Variants in NFATC2 observed in about 807,000 individuals in gnomAD.
The protein encoded by NFATC2 is nuclear factor of activated T-cells, cytoplasmic 2.
NFATC2 carries 22 observed loss-of-function variants against 87.3 expected under a neutral mutation model. That is an observed-to-expected ratio of 0.25 (90% CI 0.18 to 0.36). The LOEUF (loss-of-function observed/expected upper bound fraction) is 0.36. Among genes scored for constraint, NFATC2 ranks in the 10% least tolerant of loss-of-function variants. The probability of loss-of-function intolerance (pLI) is 1.00; values close to 1 mark genes in which losing one functional copy is unlikely to be tolerated. For synonymous variants in NFATC2, 565 were observed against 542.2 expected, an observed-to-expected ratio of 1.04 and a Z score of -0.58; for missense variants, 1,149 against 1,259.1, an observed-to-expected ratio of 0.91 and a Z score of 1.32.
intron 9 of NFATC2, among the ~76,000 whole-genome samples, chr20:51,399,469 C>T (rs1054197842): frequency 6.6e-6 from 1 of 151,660 alleles, no homozygotes; most frequent in South Asian, 2.1e-4. Flanking sequence ...AATAATGCAG[C>T]GTTATTAGAA....
chr20:51,418,234 G>A (rs1437666232), intron 9 of NFATC2, among the ~76,000 whole-genome samples: 2 of 152,212 alleles, frequency 1.3e-5, no homozygotes, highest in South Asian at 2.1e-4. Context: ...CACACATGGT[G>A]TGGTCAGCAC....
Position 51,432,357 on chromosome 20 carries a change from A to G in NFATC2, c.2432T>C (p.Ile811Thr), listed in dbSNP as rs202087502. Residue 811 changes from isoleucine (I) to threonine (T), a missense_variant, in exon 9 of 11, where the codon ATC becomes ACC. By Grantham distance (89) the Ile-to-Thr change is moderately conservative. This residue lies in a region of NFATC2 where 581 missense variants were observed against 649.7 expected (regional missense o/e 0.89). Transcript: ENST00000371564. This position sits in a 1 kb window ranked among gnomAD's most constrained non-coding sequence, Gnocchi z 4.6. Reference sequence around the variant, plus strand: ...CTGCTGGTTGGTGGGTGAGTAGTGGATCACAGGCGAGGCCTGCTGGTTGGT... The same window carrying G: ...CTGCTGGTTGGTGGGTGAGTAGTGGGTCACAGGCGAGGCCTGCTGGTTGGT... ...SPTNQQASPV[I>T]HYSPTNQQLR... is the part of the protein sequence containing the mutation. 4 of 1,613,636 alleles carry G rather than the reference A, an allele frequency of 2.5e-6. No individual in the cohort carries two copies. The highest frequency in any genetic ancestry group is 3.3e-4 in the Middle Eastern group (2 of 6,082).
At chr20:51,456,230 C>T (rs6091324) in intron 5 of NFATC2, among the ~76,000 whole-genome samples, 117,513 of 152,044 alleles carry the variant, frequency 0.77, 46,037 homozygotes, top group Non-Finnish European at 0.84. Context: ...CTCATCTATA[C>T]TTTAATAAAT....
At chr20:51,467,820 A>G (rs1200121721) in intron 5 of NFATC2, among the ~76,000 whole-genome samples, 2 of 152,234 alleles carry the variant, frequency 1.3e-5, no homozygotes, top group African/African-American at 4.8e-5. Context: ...TAGGTCATTT[A>G]CCCAAGAGAA....
intron 10 of NFATC2, 85 bp downstream of exon 10, chr20:51,398,558 T>TTATAC (rs1222815875): frequency 7.0e-6 from 6 of 860,528 alleles, no homozygotes; most frequent in Non-Finnish European, 1.0e-5. Context: ...TCAAGTTTTC[T>TTATAC]TATACTTTAC....
intron 1 of NFATC2, among the ~76,000 whole-genome samples, chr20:51,561,829 C>A (rs2146855799): frequency 6.6e-6 from 1 of 152,146 alleles, no homozygotes; most frequent in East Asian, 1.9e-4. Flanking sequence ...CAATCCCGAC[C>A]AGATGGGACA....
intron 1 of NFATC2, among the ~76,000 whole-genome samples, chr20:51,540,667 T>TTTTTTTTTTGTTTG (rs1555818370): frequency 2.7e-5 from 4 of 147,232 alleles, no homozygotes; most frequent in Non-Finnish European, 5.9e-5. Context: ...TGTTTTTTTT[T>TTTTTTTTTTGTTTG]TTTTGAGAAA....
At chr20:51,395,425 C>A (rs577843255) in intron 10 of NFATC2, among the ~76,000 whole-genome samples, 2 of 149,724 alleles carry the variant, frequency 1.3e-5, no homozygotes, top group East Asian at 3.9e-4. Flanking sequence ...ACGGCTATGG[C>A]AGACTCTGCT....
chr20:51,547,958 C>T (rs991245175), intron 1 of NFATC2, among the ~76,000 whole-genome samples: 2 of 152,114 alleles, frequency 1.3e-5, no homozygotes, highest in Admixed American at 1.3e-4. Context: ...TCTACTTTTG[C>T]CCCTATGTGG....
intron 3 of NFATC2, among the ~76,000 whole-genome samples, chr20:51,492,565 C>T (rs1011405948): frequency 6.6e-6 from 1 of 152,222 alleles, no homozygotes; most frequent in Admixed American, 6.5e-5. Flanking sequence ...CTTTTCCGGC[C>T]GAGGAACACC....
intron 1 of NFATC2, among the ~76,000 whole-genome samples, chr20:51,541,467 C>T (rs994795782): frequency 5.3e-5 from 8 of 152,142 alleles, no homozygotes; most frequent in Non-Finnish European, 7.4e-5. Flanking sequence ...CTCCCTCTAA[C>T]GAATGCTCCT....
chr20:51,472,278 A>C (rs1484711140), intron 5 of NFATC2, among the ~76,000 whole-genome samples: 1 of 152,102 alleles, frequency 6.6e-6, no homozygotes, highest in African/African-American at 2.4e-5. Flanking sequence ...AAAATAACCA[A>C]AATATTTGAT....
chr20:51,424,258 C>T (rs1462219784), intron 9 of NFATC2, among the ~76,000 whole-genome samples: 4 of 152,190 alleles, frequency 2.6e-5, no homozygotes, highest in African/African-American at 9.7e-5. Context: ...CTTTGCTGAA[C>T]CTTTGCTGAA....
intron 3 of NFATC2, among the ~76,000 whole-genome samples, chr20:51,493,821 C>T (rs1391736675): frequency 6.6e-6 from 1 of 152,142 alleles, no homozygotes; most frequent in African/African-American, 2.4e-5. Flanking sequence ...GGGCATCAAA[C>T]GCTTAGCAAA....
intron 3 of NFATC2, among the ~76,000 whole-genome samples, chr20:51,485,828 A>G (rs1048640761): frequency 6.6e-6 from 1 of 152,114 alleles, no homozygotes. Flanking sequence ...ATTAACTTTC[A>G]TTCATATTTT....
chr20:51,430,211 G>T (rs1262400398), intron 9 of NFATC2, among the ~76,000 whole-genome samples: 2 of 152,028 alleles, frequency 1.3e-5, no homozygotes, highest in Admixed American at 6.5e-5. Flanking sequence ...GAGTCAGCTG[G>T]GGAAAATTAT....
chr20:51,459,066 C>T (rs888508348), intron 5 of NFATC2, among the ~76,000 whole-genome samples: 6 of 152,178 alleles, frequency 3.9e-5, no homozygotes, highest in Admixed American at 6.5e-5. Context: ...CCTGCCCTCA[C>T]GGGTCTGCTT....
intron 2 of NFATC2, among the ~76,000 whole-genome samples, chr20:51,519,024 G>C (rs2146701625): frequency 6.6e-6 from 1 of 151,558 alleles, no homozygotes; most frequent in South Asian, 2.1e-4. Flanking sequence ...CACTGCGCCT[G>C]GCCACTCTGC....
At chr20:51,413,905 A>G (rs558654684) in intron 9 of NFATC2, among the ~76,000 whole-genome samples, 2 of 152,238 alleles carry the variant, frequency 1.3e-5, no homozygotes, top group Non-Finnish European at 2.9e-5. Flanking sequence ...TGCGGCTGCC[A>G]TGAGGGTTAA....
Sources: allele counts gnomAD v4.1 joint callset (sites outside exome capture counted in the v4.1 genomes callset), GRCh38; gene constraint gnomAD v4.1.1; regional missense constraint gnomAD v4.1.1; non-coding constraint Gnocchi (gnomAD v3.1); transcripts MANE v1.5; gene names NCBI Gene and HGNC (gene_info 2026-07-23, HGNC 2026-07-21).